Variants in CCBE1 observed in about 807,000 individuals in gnomAD.
The protein encoded by CCBE1 is collagen and calcium binding EGF domains 1.
In CCBE1, 37 loss-of-function variants were observed where a neutral mutation model predicts 50.0. The ratio of observed to expected loss-of-function variants is 0.74; its 90% confidence interval spans 0.57 to 0.97. The LOEUF (loss-of-function observed/expected upper bound fraction) is 0.97. Among genes scored for constraint, CCBE1 ranks in the 50% least tolerant of loss-of-function variants. The pLI is 0.00. For synonymous variants in CCBE1, 234 were observed against 203.7 expected (o/e 1.15, Z -1.27); for missense variants, 538 against 523.8 (o/e 1.03, Z -0.26).
intron 2 of CCBE1, among the ~76,000 whole-genome samples, chr18:59,674,365 A>C (rs1297901778): frequency 2.6e-5 from 4 of 152,352 alleles, no homozygotes; most frequent in African/African-American, 7.2e-5. Context: ...AAACTAAGAC[A>C]GGAACAGAAA....
intron 9 of CCBE1, among the ~76,000 whole-genome samples, chr18:59,439,016 G>C (rs778755028): frequency 1.3e-5 from 2 of 152,166 alleles, no homozygotes; most frequent in African/African-American, 2.4e-5. Context: ...GCCGGGTGTG[G>C]TGGCTCACGC....
intron 2 of CCBE1, among the ~76,000 whole-genome samples, chr18:59,546,121 T>A (rs889068987): frequency 6.6e-6 from 1 of 152,244 alleles, no homozygotes; most frequent in African/African-American, 2.4e-5. Flanking sequence ...ACGTATGACA[T>A]TCTTCTATAA....
intron 2 of CCBE1, among the ~76,000 whole-genome samples, chr18:59,625,875 G>A (rs956724605): frequency 3.4e-4 from 51 of 152,224 alleles, no homozygotes; most frequent in African/African-American, 1.2e-3. Context: ...GCCCATGTGA[G>A]GACACCTACC....
chr18:59,468,603 A>G (rs1245345417), intron 4 of CCBE1, among the ~76,000 whole-genome samples: 1 of 152,144 alleles, frequency 6.6e-6, no homozygotes, highest in African/African-American at 2.4e-5. Flanking sequence ...ACCTACGGTT[A>G]GAACTTCTCA....
chr18:59,462,579 G>C (rs1284293510), intron 5 of CCBE1: 1 of 152,024 alleles, frequency 6.6e-6, no homozygotes, highest in East Asian at 1.9e-4. Flanking sequence ...AGTAGAGATG[G>C]GGTCTCACTA....
chr18:59,558,732 T>C (rs1057033981), intron 2 of CCBE1, among the ~76,000 whole-genome samples: 20 of 152,140 alleles, frequency 1.3e-4, no homozygotes, highest in African/African-American at 4.8e-4. Flanking sequence ...GGATACAGCT[T>C]AGCTTGCTTG....
At chr18:59,630,559 G>A (rs1347727159) in intron 2 of CCBE1, among the ~76,000 whole-genome samples, 1 of 150,122 alleles carries the variant, frequency 6.7e-6, no homozygotes, top group African/African-American at 2.5e-5. Context: ...TGGCAGATGG[G>A]CTGGCTAGAG....
intron 2 of CCBE1, among the ~76,000 whole-genome samples, chr18:59,660,388 G>A (rs185226228): frequency 1.6e-4 from 25 of 151,796 alleles, no homozygotes; most frequent in African/African-American, 5.6e-4. Flanking sequence ...TACACTGATC[G>A]GTCTTGCTTA....
intron 2 of CCBE1, among the ~76,000 whole-genome samples, chr18:59,513,024 T>G (rs1391911388): frequency 6.6e-6 from 1 of 151,970 alleles, no homozygotes; most frequent in Non-Finnish European, 1.5e-5. Flanking sequence ...TTTAAGAAAA[T>G]TGAAAGAGCC....
chr18:59,455,056 C>T (rs759125640), intron 5 of CCBE1, 105 bp from the exon 6 acceptor site: 6 of 864,156 alleles, frequency 6.9e-6, no homozygotes, highest in Admixed American at 1.8e-5. Flanking sequence ...TAGCTGACAG[C>T]GGGACATGCG....
In CCBE1 at chr18:59,612,845, TTTG is replaced by T. The variant is rs1201629692; in HGVS notation, c.212+83781_212+83783del. Among the ~76,000 whole-genome samples the T allele has an allele frequency of 2.0e-4, 14 of 70,016 alleles. 1 individual carries two copies. The highest frequency in any genetic ancestry group is 4.1e-4 in the African/African-American group (9 of 22,126). The allele number at this position is 70,016 out of a possible 152,430, so 45.9% of individuals were successfully genotyped here. ...TTTTTTGTTTTTTTTTGTTTTTGTT[TTTG>T]TTTTTTTTAATGTCTGTTAGATGGC... is the stretch of plus-strand genomic sequence containing the variant. On this transcript the variant is annotated intron_variant, in intron 2 of 10. Transcript: ENST00000439986.
intron 2 of CCBE1, among the ~76,000 whole-genome samples, chr18:59,611,338 T>G (rs2144583318): frequency 6.6e-6 from 1 of 152,332 alleles, no homozygotes; most frequent in Middle Eastern, 3.4e-3. Flanking sequence ...TATGAGCCAC[T>G]GAGCACCACT....
intron 2 of CCBE1, among the ~76,000 whole-genome samples, chr18:59,641,862 A>G (rs979049967): frequency 6.6e-6 from 1 of 152,200 alleles, no homozygotes; most frequent in African/African-American, 2.4e-5. Flanking sequence ...GAAAGCATTA[A>G]TATCGGAGAG....
intron 2 of CCBE1, among the ~76,000 whole-genome samples, chr18:59,660,220 G>A (rs1474023743): frequency 6.6e-6 from 1 of 152,196 alleles, no homozygotes; most frequent in Non-Finnish European, 1.5e-5. Flanking sequence ...ATCATACACA[G>A]TAGCTACAGC....
intron 2 of CCBE1, among the ~76,000 whole-genome samples, chr18:59,603,778 A>G (rs1397625003): frequency 6.6e-6 from 1 of 152,212 alleles, no homozygotes; most frequent in Non-Finnish European, 1.5e-5. Flanking sequence ...AAAATACTGG[A>G]GACCAGGCAA....
chr18:59,673,587 T>C (rs1387612125), intron 2 of CCBE1, among the ~76,000 whole-genome samples: 5 of 152,220 alleles, frequency 3.3e-5, no homozygotes, highest in African/African-American at 1.2e-4. Flanking sequence ...AGGTCATAAA[T>C]AGCTCTTATT....
chr18:59,668,263 C>T (rs1479047094), intron 2 of CCBE1, among the ~76,000 whole-genome samples: 1 of 151,928 alleles, frequency 6.6e-6, no homozygotes, highest in Non-Finnish European at 1.5e-5. Flanking sequence ...ACTAAAAATA[C>T]AAAAATTAGC....
chr18:59,451,522 GA>G (rs1180073578), intron 6 of CCBE1, among the ~76,000 whole-genome samples: 5 of 149,154 alleles, frequency 3.4e-5, no homozygotes, highest in African/African-American at 1.2e-4. Flanking sequence ...AAAGTTAAAT[GA>G]CAGGCATCGA....
chr18:59,623,501 C>G (rs1287708140), intron 2 of CCBE1, among the ~76,000 whole-genome samples: 1 of 152,174 alleles, frequency 6.6e-6, no homozygotes, highest in African/African-American at 2.4e-5. Flanking sequence ...GGTCACCTGC[C>G]TCTTACTGAG....
Sources: allele counts gnomAD v4.1 joint callset (sites outside exome capture counted in the v4.1 genomes callset), GRCh38; gene constraint gnomAD v4.1.1; transcripts MANE v1.5; gene names NCBI Gene and HGNC (gene_info 2026-07-23, HGNC 2026-07-21).